USP9X: variants seen among roughly 807,000 people sequenced by gnomAD.
The protein encoded by USP9X is ubiquitin carboxyl-terminal hydrolase 9X.
Under a neutral mutation model 190.3 loss-of-function variants are expected in USP9X, and 7 were observed. That is an observed-to-expected ratio of 0.04 (90% CI 0.02 to 0.07). The LOEUF is 0.07. Ranked by LOEUF, USP9X falls within the 10% of genes least tolerant of loss-of-function variation. The pLI is 1.00. For synonymous variants in USP9X, 645 were observed against 659.5 expected (o/e 0.98, Z 0.34); for missense variants, 1,010 against 1,916.9 (o/e 0.53, Z 8.83).
intron 1 of USP9X, among the ~76,000 whole-genome samples, chrX:41,088,941 T>G (rs977357877): frequency 4.0e-4 from 43 of 108,817 alleles, no homozygotes; most frequent in Non-Finnish European, 6.9e-4. Flanking sequence ...TGACTGGACA[T>G]GAGAATCACT....
intron 1 of USP9X, among the ~76,000 whole-genome samples, chrX:41,109,292 A>G (rs759473116): frequency 8.9e-6 from 1 of 111,952 alleles, no homozygotes; most frequent in East Asian, 2.8e-4. Context: ...TCCAAAAGTT[A>G]TTTTTAATGT....
intron 44 of USP9X, among the ~76,000 whole-genome samples, chrX:41,230,910 G>C (rs1320341979): frequency 1.8e-5 from 2 of 111,487 alleles, no homozygotes; most frequent in African/African-American, 6.5e-5. Context: ...GACATTTCCG[G>C]TGAGGTAAAA....
At chrX:41,205,845 A>G (rs1037594495) in intron 32 of USP9X, among the ~76,000 whole-genome samples, 2 of 102,823 alleles carry the variant, frequency 1.9e-5, no homozygotes, top group African/African-American at 7.2e-5. Flanking sequence ...TTTAATCTAT[A>G]TTCTTAACCT....
chrX:41,085,904 G>A lies in USP9X; in HGVS notation c.-364G>A. 1 of 297,808 alleles carries A rather than the reference G, an allele frequency of 3.4e-6. No homozygotes were observed. The highest frequency in any genetic ancestry group is 5.9e-6 in the Non-Finnish European group (1 of 170,625). 24.5% of individuals were successfully genotyped at this position (297,808 alleles called of 1,213,427 possible). A position where few individuals can be genotyped will look rare whatever the true frequency, so the allele number is the denominator to read the frequency against. ...AGGAGGCGGGCGCGGCGAGGAGCGA[G>A]TTCCGGCGCCGGTGTGCAGCCTTTT... On this transcript the variant is annotated 5_prime_UTR_variant, in exon 1 of 45. Coordinates refer to ENST00000378308, the MANE Select transcript of USP9X (RefSeq NM_001039591.3).
Position 41,222,835 on chromosome X carries a change from C to G in USP9X, c.6566-382C>G, listed in dbSNP as rs930996701. 3.6e-5 allele frequency among the ~76,000 whole-genome samples: 4 copies of G among 111,312 alleles called. No homozygotes were observed. The East Asian group carries it at 1.1e-3, about 31-fold the overall frequency. On this transcript the variant is annotated intron_variant, in intron 38 of 44. Transcript: ENST00000378308. ...GCTCAGGCAGGAGAATTGCTTGAAC[C>G]CGGGAGGCAGAGGTTGCAGTGAGCT...
In USP9X at chrX:41,114,078, G is replaced by A. The variant is rs781089326; in HGVS notation, c.-158-9393G>A. Among the ~76,000 whole-genome samples, 16 of 112,624 alleles carry A rather than the reference G, an allele frequency of 1.4e-4. No homozygotes were observed. In the South Asian group the frequency reaches 5.8e-3, roughly 41 times the overall value. On this transcript the variant is annotated intron_variant, in intron 1 of 44. Coordinates refer to ENST00000378308, the MANE Select transcript of USP9X (RefSeq NM_001039591.3). ...TGTTGTAAGTATCCGATGAAAATATGTGACGCTGATCTCTGCATGAGCAGT... is the reference window on the plus strand; with the variant it reads ...TGTTGTAAGTATCCGATGAAAATATATGACGCTGATCTCTGCATGAGCAGT...
chrX:41,149,423 T>G (rs1467887758), intron 12 of USP9X, among the ~76,000 whole-genome samples: 1 of 111,319 alleles, frequency 9.0e-6, no homozygotes, highest in Non-Finnish European at 1.9e-5. Flanking sequence ...TTTAGTAGAC[T>G]GTTGCCTTTT....
rs759623425 is a variant in USP9X at position 41,161,635 on chromosome X, CTTTTTTTTT to C, written c.1898-1140_1898-1132del. 2.4e-3 allele frequency among the ~76,000 whole-genome samples: 112 copies of C among 47,410 alleles called. 4 individuals are homozygous for C. The East Asian group carries it at 0.063, about 27-fold the overall frequency. The allele number at this position is 47,410 out of a possible 115,157, so 41.2% of individuals were successfully genotyped here. On this transcript the variant is annotated intron_variant, in intron 14 of 44. Transcript: ENST00000378308. ...ACAGGCGTGAGCCATGGCGCCCTGC[CTTTTTTTTT>C]TTTTTTTTTTTTTTAAAGAGACAAG...
At chrX:41,112,562 T>C (rs1041346233) in intron 1 of USP9X, among the ~76,000 whole-genome samples, 1 of 111,786 alleles carries the variant, frequency 8.9e-6, no homozygotes, top group African/African-American at 3.3e-5. Context: ...AAGTAAGTAC[T>C]TAAAACTTTT....
chrX:41,088,607 G>A (rs1303767438), intron 1 of USP9X, among the ~76,000 whole-genome samples: 1 of 112,253 alleles, frequency 8.9e-6, no homozygotes, highest in Non-Finnish European at 1.9e-5. Flanking sequence ...TAATGGATTA[G>A]TGTTCTTCTA....
intron 9 of USP9X, among the ~76,000 whole-genome samples, chrX:41,141,751 T>G (rs1367227159): frequency 2.7e-5 from 3 of 111,053 alleles, no homozygotes; most frequent in Non-Finnish European, 5.7e-5. Flanking sequence ...GAAAATGGAT[T>G]GGGTAGTATC....
At chrX:41,224,657 T>G in intron 39 of USP9X, 85 bp from the exon 40 acceptor site, 1 of 853,633 alleles carries the variant, frequency 1.2e-6, no homozygotes, top group Non-Finnish European at 1.7e-6. Context: ...AAAAAAATTA[T>G]AGGCTATTTT....
intron 6 of USP9X, among the ~76,000 whole-genome samples, chrX:41,139,938 T>G (rs1049939731): frequency 2.7e-5 from 3 of 111,959 alleles, no homozygotes; most frequent in Non-Finnish European, 5.6e-5. Context: ...TTCTTATATT[T>G]ATATAGCCTT....
At chrX:41,172,234 C>T (rs1347475396) in intron 21 of USP9X, among the ~76,000 whole-genome samples, 1 of 111,669 alleles carries the variant, frequency 9.0e-6, no homozygotes, top group Non-Finnish European at 1.9e-5. Flanking sequence ...CAAAACCAGG[C>T]TCATTTGTTT....
At chrX:41,161,445 T>G (rs1372148041) in intron 14 of USP9X, among the ~76,000 whole-genome samples, 4 of 95,710 alleles carry the variant, frequency 4.2e-5, no homozygotes, top group African/African-American at 1.6e-4. Flanking sequence ...GTTCAAGCAA[T>G]TCTCTTGCCT....
chrX:41,229,881 A>T, intron 43 of USP9X, 102 bp downstream of exon 43: 1 of 1,153,097 alleles, frequency 8.7e-7, no homozygotes, highest in Non-Finnish European at 1.2e-6. Context: ...TTATTAAAAG[A>T]TTATGTTGAA....
chrX:41,224,476 A>C (rs2063294994), intron 39 of USP9X, among the ~76,000 whole-genome samples: 2 of 108,888 alleles, frequency 1.8e-5, no homozygotes, highest in South Asian at 8.0e-4. Context: ...CTCTACAAAA[A>C]TACAAAAAAA....
Position 41,215,925 on chromosome X carries a change from T to G in USP9X, c.5358T>G (p.Ile1786Met). ...TTGATACCGTAAAGCGCTTGCTGAT[T>G]AAAAAATTACCTCCTGTTCTTGCTA... ...KKVDTVKRLL[I>M]KKLPPVLAIQ... The change falls in exon 35 of 45, where the codon ATT becomes ATG. Residue 1786 changes from isoleucine to methionine, a missense_variant. This residue lies in a region of USP9X where 120 missense variants were observed against 342.7 expected (regional missense o/e 0.35). Transcript: ENST00000378308. 1 of 1,211,255 alleles carries G rather than the reference T, an allele frequency of 8.3e-7. No individual in the cohort carries two copies. Among genetic ancestry groups the G allele is most frequent in the Non-Finnish European group, 1.1e-6 (1 of 895,175 alleles).
intron 32 of USP9X, among the ~76,000 whole-genome samples, chrX:41,207,045 GCT>G (rs113032636): frequency 0.13 from 12,719 of 99,135 alleles, 830 homozygotes; most frequent in East Asian, 0.21. Context: ...CTCCCAAAGT[GCT>G]GGATTATAGG....
Sources: gnomAD v4.1 joint callset for allele counts (sites outside exome capture counted in the v4.1 genomes callset) on GRCh38, gnomAD v4.1.1 for gene constraint, gnomAD v4.1.1 regional missense constraint, MANE v1.5 for transcripts, NCBI Gene and HGNC (gene_info 2026-07-23, HGNC 2026-07-21) for gene names.